The following STPG2 variants were observed in gnomAD, a reference collection of about 807,000 sequenced individuals.
STPG2 encodes sperm tail PG-rich repeat containing 2.
Under a neutral mutation model 54.2 loss-of-function variants are expected in STPG2, and 56 were observed. The ratio of observed to expected loss-of-function variants is 1.03; its 90% confidence interval spans 0.83 to 1.29. The LOEUF is 1.29. Ranked by LOEUF, STPG2 falls within the 50% of genes most tolerant of loss-of-function variation. The pLI is 0.00. For synonymous variants in STPG2, 200 were observed against 181.8 expected (o/e 1.10, Z -0.81); for missense variants, 596 against 544.9 (o/e 1.09, Z -0.93).
chr4:97,673,673 ATT>A (rs34393242), intron 10 of STPG2, among the ~76,000 whole-genome samples: 7,295 of 149,982 alleles, frequency 0.049, 259 homozygotes, highest in Middle Eastern at 0.12. Flanking sequence ...ACGGCTTTAT[ATT>A]TTTTTTTTTC....
intron 4 of STPG2, among the ~76,000 whole-genome samples, chr4:97,501,196 C>T (rs1291834360): frequency 6.6e-6 from 1 of 151,880 alleles, no homozygotes; most frequent in African/African-American, 2.4e-5. Context: ...AAATATCTAG[C>T]CTTTAAATAT....
chr4:97,665,675 C>A (rs1351993221), intron 10 of STPG2, among the ~76,000 whole-genome samples: 1 of 152,170 alleles, frequency 6.6e-6, no homozygotes, highest in Non-Finnish European at 1.5e-5. Context: ...CCTTTTCCAG[C>A]CAGGGCCTAT....
At chr4:97,858,637 T>A (rs1483680929) in intron 8 of STPG2, among the ~76,000 whole-genome samples, 1 of 152,160 alleles carries the variant, frequency 6.6e-6, no homozygotes, top group East Asian at 1.9e-4. Context: ...CACTTATAAG[T>A]GAGAACGTAG....
chr4:98,047,328 G>A (rs1737162412), intron 5 of STPG2, among the ~76,000 whole-genome samples: 1 of 151,998 alleles, frequency 6.6e-6, no homozygotes, highest in Non-Finnish European at 1.5e-5. Context: ...TAAAAAGCAT[G>A]AGGAGCGCCC....
chr4:97,530,378 G>T (rs750161005), intron 4 of STPG2, among the ~76,000 whole-genome samples: 1 of 152,148 alleles, frequency 6.6e-6, no homozygotes, highest in Non-Finnish European at 1.5e-5. Flanking sequence ...CTGTGCGAAG[G>T]AATGAATATG....
At chr4:98,097,983 G>A (rs926188679) in intron 5 of STPG2, among the ~76,000 whole-genome samples, 4 of 151,966 alleles carry the variant, frequency 2.6e-5, no homozygotes, top group African/African-American at 9.7e-5. Flanking sequence ...GACACCAAAA[G>A]ATAGAAAGAT....
intron 10 of STPG2, among the ~76,000 whole-genome samples, chr4:97,658,500 C>A (rs1225077953): frequency 6.6e-6 from 1 of 152,090 alleles, no homozygotes; most frequent in Non-Finnish European, 1.5e-5. Flanking sequence ...AGAAATAGAT[C>A]CCTCAACTCT....
chr4:97,551,730 G>C (rs534190362), intron 4 of STPG2, among the ~76,000 whole-genome samples: 4 of 152,110 alleles, frequency 2.6e-5, no homozygotes, highest in African/African-American at 9.7e-5. Context: ...AGGAGCTCTC[G>C]CTCATGTACA....
At chr4:97,813,053 C>T (rs934491735) in intron 9 of STPG2, among the ~76,000 whole-genome samples, 1 of 152,018 alleles carries the variant, frequency 6.6e-6, no homozygotes, top group African/African-American at 2.4e-5. Flanking sequence ...GTTACCTCTA[C>T]TTTCAAAAAT....
rs117860793 is a variant in STPG2, at chr4:97,981,256, A to G, written c.675T>C (p.Ala225=). 4.0e-4 allele frequency: 641 copies of G among 1,614,034 alleles called. 2 individuals are homozygous for G. The East Asian group carries it at 0.013, about 32-fold the overall frequency. ...CTGATGTTTTCTTCAAAGACTTGAG[A>G]GCAGTTCGAGGTTCATTATATGTGC... ...APGTYNEPRT[A]LKSLKKTSGL... Residue 225 remains alanine, a synonymous_variant, in exon 6 of 11, where the codon GCT becomes GCC. Coordinates refer to ENST00000295268, the MANE Select transcript of STPG2 (RefSeq NM_174952.3).
chr4:97,732,625 C>G (rs1207639930), intron 9 of STPG2, among the ~76,000 whole-genome samples: 1 of 151,998 alleles, frequency 6.6e-6, no homozygotes, highest in Non-Finnish European at 1.5e-5. Flanking sequence ...GCAGAGTAAA[C>G]AGACAACCCA....
chr4:98,048,268 A>C (rs1039854040), intron 5 of STPG2, among the ~76,000 whole-genome samples: 7 of 152,230 alleles, frequency 4.6e-5, no homozygotes, highest in African/African-American at 1.7e-4. Context: ...AATAGGAAAA[A>C]GAATTTACAG....
chr4:97,832,896 G>C (rs1408011692), intron 9 of STPG2, among the ~76,000 whole-genome samples: 6 of 152,116 alleles, frequency 3.9e-5, no homozygotes, highest in Admixed American at 1.3e-4. Context: ...CCATGCTCAT[G>C]GATAGGAAGA....
chr4:97,666,443 C>T (rs896094836), intron 10 of STPG2, among the ~76,000 whole-genome samples: 2 of 152,164 alleles, frequency 1.3e-5, no homozygotes, highest in Non-Finnish European at 2.9e-5. Context: ...AATAATACTT[C>T]TTTAAGAAAT....
intron 5 of STPG2, among the ~76,000 whole-genome samples, chr4:98,078,572 A>T (rs992233911): frequency 9.8e-5 from 14 of 143,024 alleles, no homozygotes; most frequent in South Asian, 2.2e-4. Context: ...CAATAGATTT[A>T]AAAAAAAAAA....
chr4:97,746,067 G>T (rs1725413542), intron 9 of STPG2, among the ~76,000 whole-genome samples: 2 of 150,984 alleles, frequency 1.3e-5, no homozygotes, highest in South Asian at 2.1e-4. Context: ...TTTACATCAG[G>T]TTTATTTTTC....
At chr4:98,104,678 A>G (rs185742168) in intron 5 of STPG2, among the ~76,000 whole-genome samples, 38 of 152,320 alleles carry the variant, frequency 2.5e-4, no homozygotes, top group Admixed American at 9.8e-4. Context: ...CAAAAGAAAG[A>G]GTCACATTAC....
intron 6 of STPG2, among the ~76,000 whole-genome samples, chr4:97,976,360 A>C (rs1734499065): frequency 6.6e-6 from 1 of 152,168 alleles, no homozygotes; most frequent in African/African-American, 2.4e-5. Context: ...AGAGCATAAC[A>C]TAGCACTTTG....
chr4:97,886,251 C>T (rs1311844807), intron 8 of STPG2, among the ~76,000 whole-genome samples: 3 of 151,808 alleles, frequency 2.0e-5, no homozygotes, highest in African/African-American at 4.8e-5. Context: ...ATTTAGGCAT[C>T]GAGGCAAAAA....
Sources: gnomAD v4.1 joint callset for allele counts (sites outside exome capture counted in the v4.1 genomes callset) on GRCh38, gnomAD v4.1.1 for gene constraint, MANE v1.5 for transcripts, NCBI Gene and HGNC (gene_info 2026-07-23, HGNC 2026-07-21) for gene names.